The following ITGBL1 variants were observed in gnomAD, a reference collection of about 807,000 sequenced individuals.
The protein encoded by ITGBL1 is integrin beta-like protein 1.
ITGBL1 carries 51 observed loss-of-function variants against 68.5 expected under a neutral mutation model. The ratio of observed to expected loss-of-function variants is 0.74; its 90% confidence interval spans 0.59 to 0.94. The LOEUF (loss-of-function observed/expected upper bound fraction) is 0.94. Ranked by LOEUF, ITGBL1 falls within the 40% of genes least tolerant of loss-of-function variation. The probability of loss-of-function intolerance (pLI) is 0.00; values close to 1 mark genes in which losing one functional copy is unlikely to be tolerated. For missense variants in ITGBL1, 649 were observed against 647.4 expected (o/e 1.00, Z -0.03); for synonymous variants, 209 against 227.3 (o/e 0.92, Z 0.72).
chr13:101,603,643 G>C (rs996838060), intron 7 of ITGBL1, among the ~76,000 whole-genome samples: 12 of 150,700 alleles, frequency 8.0e-5, no homozygotes, highest in African/African-American at 2.7e-4. Context: ...GTTGGGCCCA[G>C]ACATGTAAAA....
At chr13:101,478,761 A>T (rs930953217) in intron 2 of ITGBL1, among the ~76,000 whole-genome samples, 5 of 151,930 alleles carry the variant, frequency 3.3e-5, no homozygotes, top group Non-Finnish European at 7.4e-5. Context: ...ACCAAAGAAG[A>T]GAAAGATCTC....
chr13:101,561,089 G>A (rs982593683), intron 2 of ITGBL1, among the ~76,000 whole-genome samples: 1 of 152,154 alleles, frequency 6.6e-6, no homozygotes, highest in South Asian at 2.1e-4. Context: ...AAATGAGCTC[G>A]GGCTTAGCTG....
intron 7 of ITGBL1, among the ~76,000 whole-genome samples, chr13:101,687,346 C>G (rs1487369112): frequency 6.6e-6 from 1 of 151,792 alleles, no homozygotes; most frequent in African/African-American, 2.4e-5. Context: ...AAAATGTACT[C>G]TAAGGTGAAA....
At chr13:101,556,831 G>A (rs2050015119) in intron 2 of ITGBL1, among the ~76,000 whole-genome samples, 1 of 152,124 alleles carries the variant, frequency 6.6e-6, no homozygotes, top group Non-Finnish European at 1.5e-5. Flanking sequence ...GGTCCTGTTC[G>A]CACCTTGGTT....
chr13:101,604,614 A>G (rs2030579702), intron 7 of ITGBL1, among the ~76,000 whole-genome samples: 2 of 151,212 alleles, frequency 1.3e-5, no homozygotes, highest in African/African-American at 2.4e-5. Context: ...ATAGTGCTAC[A>G]TCTGCAAACA....
Position 101,453,898 on chromosome 13 carries a change from C to T in ITGBL1, c.114C>T (p.Ala38=), listed in dbSNP as rs891301481. The change falls in exon 2 of 11, where the codon GCC becomes GCT. Residue 38 remains alanine, a synonymous_variant. Transcript: ENST00000376180. ...GCCCGCGCAGGAGCTGGCCGGGCGC[C>T]GCCTGCAGGCTGTCCCGGGCCGAGT... The part of the protein sequence containing the change: ...FSPSLRSWPG[A]ACRLSRAESE... 1.9e-5 allele frequency: 24 copies of T among 1,251,394 alleles called. No homozygotes were observed. The highest frequency in any genetic ancestry group is 4.3e-5 in the Admixed American group (1 of 23,444). 77.5% of individuals were successfully genotyped at this position (1,251,394 alleles called of 1,614,324 possible).
At chr13:101,661,495 A>C (rs1328311896) in intron 7 of ITGBL1, among the ~76,000 whole-genome samples, 1 of 152,142 alleles carries the variant, frequency 6.6e-6, no homozygotes, top group Non-Finnish European at 1.5e-5. Flanking sequence ...ATGTGAGCTT[A>C]TGGTTTATTC....
chr13:101,542,958 C>A (rs1278386287), intron 2 of ITGBL1, among the ~76,000 whole-genome samples: 1 of 152,060 alleles, frequency 6.6e-6, no homozygotes, highest in African/African-American at 2.4e-5. Context: ...TGTCTCTACA[C>A]GTGAGATGGG....
At chr13:101,696,260 G>A (rs1566794864) in intron 8 of ITGBL1, among the ~76,000 whole-genome samples, 1 of 152,154 alleles carries the variant, frequency 6.6e-6, no homozygotes, top group African/African-American at 2.4e-5. Flanking sequence ...GTCAGCCTGA[G>A]AGCTTAGTTG....
chr13:101,547,659 C>T (rs1236579301), intron 2 of ITGBL1, among the ~76,000 whole-genome samples: 1 of 151,274 alleles, frequency 6.6e-6, no homozygotes, highest in African/African-American at 2.4e-5. Flanking sequence ...AACAGGATGG[C>T]TACAGTCAAA....
At chr13:101,603,460 A>G (rs189896118) in intron 7 of ITGBL1, among the ~76,000 whole-genome samples, 20 of 152,042 alleles carry the variant, frequency 1.3e-4, no homozygotes, top group African/African-American at 4.8e-4. Flanking sequence ...GACAGGAACC[A>G]TTGTTCTATC....
At chr13:101,684,390 C>A (rs1320225649) in intron 7 of ITGBL1, among the ~76,000 whole-genome samples, 2 of 151,752 alleles carry the variant, frequency 1.3e-5, no homozygotes, top group Non-Finnish European at 2.9e-5. Flanking sequence ...TTAAAAAATC[C>A]TGATAAGATT....
At chr13:101,670,762 C>T (rs1054480925) in intron 7 of ITGBL1, among the ~76,000 whole-genome samples, 23 of 152,068 alleles carry the variant, frequency 1.5e-4, no homozygotes, top group African/African-American at 4.3e-4. Flanking sequence ...AGTTATTAAA[C>T]GAATTAGGCT....
chr13:101,564,524 A>C (rs1026032206), intron 2 of ITGBL1, among the ~76,000 whole-genome samples: 1 of 151,070 alleles, frequency 6.6e-6, no homozygotes, highest in Non-Finnish European at 1.5e-5. Context: ...ATTTATATAC[A>C]TATATATCCG....
At chr13:101,575,207 A>G (rs2050336894) in intron 3 of ITGBL1, among the ~76,000 whole-genome samples, 1 of 152,134 alleles carries the variant, frequency 6.6e-6, no homozygotes, top group South Asian at 2.1e-4. Context: ...TTAGAGGTCA[A>G]TAATAATAGT....
chr13:101,701,281 T>C (rs1372394438), intron 8 of ITGBL1, among the ~76,000 whole-genome samples: 3 of 152,170 alleles, frequency 2.0e-5, no homozygotes, highest in African/African-American at 7.2e-5. Flanking sequence ...ACACCTGTAA[T>C]CCCAGCACTT....
intron 6 of ITGBL1, among the ~76,000 whole-genome samples, chr13:101,589,672 C>A (rs1484498500): frequency 5.3e-5 from 8 of 152,196 alleles, no homozygotes; most frequent in Non-Finnish European, 1.2e-4. Context: ...ATGATACAAT[C>A]TCTTAAATTC....
At chr13:101,501,562 A>G (rs878984564) in intron 2 of ITGBL1, among the ~76,000 whole-genome samples, 5 of 152,170 alleles carry the variant, frequency 3.3e-5, no homozygotes, top group Admixed American at 6.5e-5. Flanking sequence ...ATGTCGTAAA[A>G]AAGAAAAATG....
At chr13:101,561,145 G>A (rs143131600) in intron 2 of ITGBL1, among the ~76,000 whole-genome samples, 21 of 152,296 alleles carry the variant, frequency 1.4e-4, no homozygotes, top group African/African-American at 4.8e-4. Context: ...AAAGTTGGTA[G>A]CGGCCAAGTA....
Sources: allele counts gnomAD v4.1 joint callset (sites outside exome capture counted in the v4.1 genomes callset), GRCh38; gene constraint gnomAD v4.1.1; transcripts MANE v1.5; gene names NCBI Gene and HGNC (gene_info 2026-07-23, HGNC 2026-07-21).